Variants in LRRTM4 observed in about 807,000 individuals in gnomAD.
LRRTM4 encodes leucine-rich repeat transmembrane neuronal protein 4.
Under a neutral mutation model 47.6 loss-of-function variants are expected in LRRTM4, and 25 were observed. The observed-to-expected ratio is 0.53, with a 90% CI of 0.38 to 0.73. The LOEUF (loss-of-function observed/expected upper bound fraction) is 0.73, where lower values mean the gene tolerates loss of function less well. Ranked by LOEUF, LRRTM4 falls within the 30% of genes least tolerant of loss-of-function variation. The probability of loss-of-function intolerance (pLI) is 0.00; values close to 1 mark genes in which losing one functional copy is unlikely to be tolerated. For synonymous variants in LRRTM4, 311 were observed against 269.5 expected, an observed-to-expected ratio of 1.15 and a Z score of -1.51; for missense variants, 638 against 713.4, an observed-to-expected ratio of 0.89 and a Z score of 1.20.
At chr2:76,829,885 G>A (rs890961959) in intron 3 of LRRTM4, among the ~76,000 whole-genome samples, 1 of 151,896 alleles carries the variant, frequency 6.6e-6, no homozygotes, top group African/African-American at 2.4e-5. Context: ...ATTTATTCTC[G>A]AAATAATAGA....
chr2:77,373,072 C>A (rs1263038298), intron 3 of LRRTM4, among the ~76,000 whole-genome samples: 3 of 116,344 alleles, frequency 2.6e-5, no homozygotes, highest in East Asian at 3.0e-4. Context: ...AAAAGCAAAC[C>A]AACAATTAAA....
intron 3 of LRRTM4, among the ~76,000 whole-genome samples, chr2:77,297,530 G>A (rs865779444): frequency 3.3e-5 from 5 of 152,132 alleles, no homozygotes; most frequent in African/African-American, 9.7e-5. Flanking sequence ...TTCCTCATGC[G>A]TGAGCTAGCC....
intron 3 of LRRTM4, among the ~76,000 whole-genome samples, chr2:77,059,601 G>A (rs1003169600): frequency 3.3e-5 from 5 of 152,096 alleles, no homozygotes; most frequent in Non-Finnish European, 5.9e-5. Flanking sequence ...CTTTTCAAAT[G>A]AGTTACATGG....
rs1027973677 is a variant in LRRTM4, at chr2:77,029,076, A to G, written c.1552-280160T>C. 4.1e-5 allele frequency among the ~76,000 whole-genome samples: 6 copies of G among 146,478 alleles called. No individual in the cohort carries two copies. The South Asian group carries it at 8.5e-4, about 21-fold the overall frequency. On this transcript the variant is annotated intron_variant, in intron 3 of 3. Transcript: ENST00000409884. ...AAATATATATATATATATATAATAT[A>G]TATATATTATATATATATTCATTAG...
chr2:77,183,373 A>G (rs915397306), intron 3 of LRRTM4, among the ~76,000 whole-genome samples: 2 of 152,204 alleles, frequency 1.3e-5, no homozygotes, highest in Non-Finnish European at 2.9e-5. Context: ...AATCAAAACC[A>G]CAAAGAGATA....
At chr2:76,902,870 T>C (rs1673689629) in intron 3 of LRRTM4, among the ~76,000 whole-genome samples, 1 of 152,152 alleles carries the variant, frequency 6.6e-6, no homozygotes, top group Non-Finnish European at 1.5e-5. Flanking sequence ...GAAAATGCTA[T>C]CATGTTCATT....
At chr2:77,105,226 A>G (rs1671063598) in intron 3 of LRRTM4, among the ~76,000 whole-genome samples, 1 of 152,128 alleles carries the variant, frequency 6.6e-6, no homozygotes, top group Non-Finnish European at 1.5e-5. Context: ...GCAATAGAAA[A>G]CAGCAACGTC....
At chr2:77,087,647 A>G (rs1277861248) in intron 3 of LRRTM4, among the ~76,000 whole-genome samples, 6 of 152,250 alleles carry the variant, frequency 3.9e-5, no homozygotes, top group Admixed American at 2.0e-4. Context: ...AATAAGAAAC[A>G]TAACTGAAGC....
intron 3 of LRRTM4, among the ~76,000 whole-genome samples, chr2:76,887,053 T>A (rs966353756): frequency 6.6e-6 from 1 of 151,872 alleles, no homozygotes; most frequent in Admixed American, 6.6e-5. Context: ...TATTGCTTCA[T>A]AATTATTACT....
intron 3 of LRRTM4, among the ~76,000 whole-genome samples, chr2:77,318,683 T>C (rs1043191096): frequency 1.3e-5 from 2 of 152,190 alleles, no homozygotes; most frequent in African/African-American, 4.8e-5. Context: ...ACTGTTTTAT[T>C]TGCATACAAA....
intron 3 of LRRTM4, among the ~76,000 whole-genome samples, chr2:77,116,444 T>G (rs997411443): frequency 6.6e-6 from 1 of 152,148 alleles, no homozygotes; most frequent in Non-Finnish European, 1.5e-5. Flanking sequence ...GAATATATAA[T>G]TACTGCAGTA....
intron 3 of LRRTM4, among the ~76,000 whole-genome samples, chr2:77,227,878 CATATGTCTACATT>C (rs1674857234): frequency 6.6e-6 from 1 of 151,964 alleles, no homozygotes; most frequent in East Asian, 1.9e-4. Context: ...TTTTCTTATG[CATATGTCTACATT>C]ATTATTTTTT....
intron 3 of LRRTM4, among the ~76,000 whole-genome samples, chr2:77,494,905 T>C (rs1678303902): frequency 6.6e-6 from 1 of 152,098 alleles, no homozygotes; most frequent in Non-Finnish European, 1.5e-5. Context: ...ATACAGAAAA[T>C]ACTCTGTTTT....
intron 3 of LRRTM4, among the ~76,000 whole-genome samples, chr2:76,858,697 T>C (rs939354121): frequency 6.6e-6 from 1 of 152,228 alleles, no homozygotes; most frequent in Non-Finnish European, 1.5e-5. Context: ...TGCAAACTGG[T>C]ATTCTCTGGC....
At position 77,019,235 on chromosome 2, in the gene LRRTM4, A is replaced by G. The variant is rs1423016584; in HGVS notation, c.1552-270319T>C. Among the ~76,000 whole-genome samples, 4 of 135,612 alleles carry G rather than the reference A, an allele frequency of 2.9e-5. No homozygotes were observed. In the East Asian group the frequency reaches 7.0e-4, roughly 24 times the overall value. 89.0% of individuals were successfully genotyped at this position (135,612 alleles called of 152,430 possible). On this transcript the variant is annotated intron_variant, in intron 3 of 3. Coordinates refer to ENST00000409884, the MANE Select transcript of LRRTM4 (RefSeq NM_001134745.3). ...ATTCAGGAACATACTATTGGATACT[A>G]AGCTTGTCACTGCTCTACAAAAAAA... is the stretch of plus-strand genomic sequence containing the variant.
intron 3 of LRRTM4, among the ~76,000 whole-genome samples, chr2:77,207,140 ATT>A (rs1311582663): frequency 2.1e-4 from 26 of 125,276 alleles, no homozygotes; most frequent in Admixed American, 6.2e-4. Flanking sequence ...TATATTTTAT[ATT>A]TATATATATA....
chr2:77,304,304 C>G (rs1234295170), intron 3 of LRRTM4, among the ~76,000 whole-genome samples: 1 of 152,056 alleles, frequency 6.6e-6, no homozygotes, highest in Non-Finnish European at 1.5e-5. Context: ...TATTTGACTT[C>G]TTGCTATTGA....
At chr2:77,032,544 T>C (rs1358916475) in intron 3 of LRRTM4, among the ~76,000 whole-genome samples, 4 of 152,164 alleles carry the variant, frequency 2.6e-5, no homozygotes, top group Admixed American at 6.6e-5. Flanking sequence ...TTTTGAATAA[T>C]TGAATAAATA....
intron 3 of LRRTM4, among the ~76,000 whole-genome samples, chr2:76,795,413 G>T (rs772133688): frequency 9.4e-5 from 12 of 127,938 alleles, no homozygotes; most frequent in Admixed American, 2.3e-4. Context: ...AACATGTAAA[G>T]ATTTTTTACT....
Sources: allele counts gnomAD v4.1 joint callset (sites outside exome capture counted in the v4.1 genomes callset), GRCh38; gene constraint gnomAD v4.1.1; transcripts MANE v1.5; gene names NCBI Gene and HGNC (gene_info 2026-07-23, HGNC 2026-07-21).